The following FAM185A variants were observed in gnomAD, a reference collection of about 807,000 sequenced individuals.
The protein encoded by FAM185A is protein FAM185A.
A neutral mutation model predicts 45.7 loss-of-function variants in FAM185A; 21 were observed. The ratio of observed to expected loss-of-function variants is 0.46; its 90% CI spans 0.33 to 0.66. The LOEUF is 0.66. Ranked by LOEUF, FAM185A falls within the 30% of genes least tolerant of loss-of-function variation. The pLI is 0.03. For missense variants in FAM185A, 305 were observed against 485.4 expected, an observed-to-expected ratio of 0.63 and a Z score of 3.49; for synonymous variants, 117 against 194.0, an observed-to-expected ratio of 0.60 and a Z score of 3.30.
the FAM185A span, among the ~76,000 whole-genome samples, chr7:102,821,645 A>G: frequency 6.6e-6 from 1 of 152,236 alleles, no homozygotes; most frequent in African/African-American, 2.4e-5. Context: ...TTATCAGGTC[A>G]GTTAAAATAC....
chr7:102,802,472 T>C (rs1431087932), intron 7 of FAM185A, among the ~76,000 whole-genome samples: 1 of 152,116 alleles, frequency 6.6e-6, no homozygotes, highest in East Asian at 1.9e-4. Context: ...AAGATGGAAA[T>C]TTAAAAATTC....
chr7:102,813,623 A>G, downstream of FAM185A: 1 of 1,296,774 alleles, frequency 7.7e-7, no homozygotes, highest in Non-Finnish European at 1.1e-6. Context: ...TAGGGAATTC[A>G]CTGTCACAAT....
Position 102,760,506 on chromosome 7 carries a change from C to T in FAM185A, c.655-767C>T, listed in dbSNP as rs1794046469. On this transcript the variant is annotated intron_variant, in intron 3 of 7. Transcript: ENST00000413034. ...ATCAGATAAAGTATGTGCTAAAATT[C>T]AAAACCTATTCATGATTTAAATAGC... Among the ~76,000 whole-genome samples, 5 of 151,982 alleles carry T rather than the reference C, an allele frequency of 3.3e-5. No homozygotes were observed. The South Asian group carries it at 1.0e-3, about 32-fold the overall frequency.
At chr7:102,797,548 A>ATTGT (rs1796508114) in intron 7 of FAM185A, among the ~76,000 whole-genome samples, 1 of 152,156 alleles carries the variant, frequency 6.6e-6, no homozygotes, top group Admixed American at 6.5e-5. Context: ...TGTTAAAGGT[A>ATTGT]TTGTTTGTGA....
chr7:102,768,646 A>G (rs1001667467), intron 4 of FAM185A, among the ~76,000 whole-genome samples: 28 of 150,672 alleles, frequency 1.9e-4, no homozygotes, highest in African/African-American at 5.1e-4. Flanking sequence ...CCATAATCAC[A>G]TTTCTTTTGG....
At chr7:102,802,581 C>T (rs572025106) in intron 7 of FAM185A, among the ~76,000 whole-genome samples, 4 of 152,210 alleles carry the variant, frequency 2.6e-5, no homozygotes, top group African/African-American at 9.6e-5. Context: ...GCCCTAAATG[C>T]GTACATCAAA....
chr7:102,808,394 CA>C lies in FAM185A; in HGVS notation c.1172del (p.Gln391ArgfsTer13). Reference sequence around the variant, plus strand: ...AAGTTGGTTTCAGTCCCTGAAACTGCAGGACTAAAACTGATTTGAGTTGGAT... The same window carrying C: ...AAGTTGGTTTCAGTCCCTGAAACTGCGGACTAAAACTGATTTGAGTTGGAT... ...RQSWFQSLKLQD is the reference protein window; with the variant it reads ...RQSWFQSLKLXD On this transcript the variant is annotated frameshift_variant, in exon 8 of 8. Transcript: ENST00000413034. LOFTEE classifies it high-confidence loss of function. The C allele has an allele frequency of 6.5e-7, 1 of 1,527,430 alleles. No homozygotes were observed. Among genetic ancestry groups the C allele is most frequent in the Non-Finnish European group, 8.9e-7 (1 of 1,124,972 alleles). 94.6% of individuals were successfully genotyped at this position (1,527,430 alleles called of 1,614,324 possible).
chr7:102,749,662 A>C lies in FAM185A; in HGVS notation c.451+4A>C, dbSNP rs1365664393. 2.7e-6 allele frequency: 4 copies of C among 1,457,384 alleles called. No homozygotes were observed. The South Asian group carries it at 5.8e-5, about 21-fold the overall frequency. 90.3% of individuals were successfully genotyped at this position (1,457,384 alleles called of 1,614,324 possible). A position where few individuals can be genotyped will look rare whatever the true frequency, so the allele number is the denominator to read the frequency against. ...GTGAACGCGCCCCTGAAGTTTGGCA[A>C]GTGAAGTGAAGTGAAAACGGGTTTG... On this transcript the variant is annotated splice_donor_region_variant and intron_variant, in intron 1 of 7. Coordinates refer to ENST00000413034, the MANE Select transcript of FAM185A (RefSeq NM_001145268.2).
At chr7:102,751,088 G>T (rs2129431359) in intron 1 of FAM185A, among the ~76,000 whole-genome samples, 1 of 152,150 alleles carries the variant, frequency 6.6e-6, no homozygotes, top group African/African-American at 2.4e-5. Flanking sequence ...TAATGTTTTT[G>T]TTTTTTTGTA....
At chr7:102,846,543 C>T in the FAM185A span, among the ~76,000 whole-genome samples, 2 of 105,140 alleles carry the variant, frequency 1.9e-5, no homozygotes, top group Admixed American at 8.7e-5. Context: ...TGTCTGAGCC[C>T]GGAAGGAGGT....
chr7:102,832,708 A>G, the FAM185A span: 1 of 1,128,638 alleles, frequency 8.9e-7, no homozygotes, highest in South Asian at 2.9e-5. Flanking sequence ...TGAGGATAGA[A>G]GAAAAAAATC....
chr7:102,834,380 TTA>T, the FAM185A span, among the ~76,000 whole-genome samples: 1,473 of 145,292 alleles, frequency 0.01, 22 homozygotes, highest in African/African-American at 0.034. Context: ...TATATATAAA[TTA>T]TATATATATA....
the FAM185A span, among the ~76,000 whole-genome samples, chr7:102,839,388 A>C: frequency 6.6e-6 from 1 of 152,208 alleles, no homozygotes; most frequent in Non-Finnish European, 1.5e-5. Context: ...GCTGAGCGCC[A>C]GTCCCCTGGG....
chr7:102,763,138 TGGTACAG>T (rs1794203923), intron 4 of FAM185A, among the ~76,000 whole-genome samples: 2 of 151,354 alleles, frequency 1.3e-5, no homozygotes, highest in African/African-American at 4.9e-5. Flanking sequence ...AAATTGAATT[TGGTACAG>T]TTTATCATTA....
the FAM185A span, among the ~76,000 whole-genome samples, chr7:102,822,886 A>G: frequency 6.6e-6 from 1 of 152,156 alleles, no homozygotes; most frequent in African/African-American, 2.4e-5. Flanking sequence ...CCTGGGCCAC[A>G]TGGTGAAACT....
intron 3 of FAM185A, among the ~76,000 whole-genome samples, chr7:102,759,415 G>T (rs1477639505): frequency 2.0e-5 from 3 of 151,968 alleles, no homozygotes; most frequent in African/African-American, 7.2e-5. Context: ...ATGTACTAAA[G>T]AATCAGTCTA....
chr7:102,820,031 T>G, the FAM185A span, among the ~76,000 whole-genome samples: 1 of 152,222 alleles, frequency 6.6e-6, no homozygotes, highest in Non-Finnish European at 1.5e-5. Context: ...CTATCCTAGA[T>G]GTTGAACATA....
chr7:102,751,994 G>A (rs533889816), intron 2 of FAM185A, among the ~76,000 whole-genome samples, 193 bp downstream of exon 2: 27 of 151,552 alleles, frequency 1.8e-4, no homozygotes, highest in African/African-American at 6.1e-4. Context: ...CAGTTTTGAG[G>A]TTTTGCCTCA....
chr7:102,812,331 AG>A (rs1170220457), downstream of FAM185A, among the ~76,000 whole-genome samples: 3 of 152,234 alleles, frequency 2.0e-5, no homozygotes, highest in African/African-American at 7.2e-5. Context: ...CATAAAATTG[AG>A]GGAGCATCTT....
Sources: allele counts gnomAD v4.1 joint callset (sites outside exome capture counted in the v4.1 genomes callset), GRCh38; gene constraint gnomAD v4.1.1; transcripts MANE v1.5; gene names NCBI Gene and HGNC (gene_info 2026-07-23, HGNC 2026-07-21).